The following NTRK1 variants were observed in gnomAD, a reference collection of about 807,000 sequenced individuals.
NTRK1 encodes the protein high affinity nerve growth factor receptor.
In NTRK1, 62 loss-of-function variants were observed where a neutral mutation model predicts 86.8. The ratio of observed to expected loss-of-function variants is 0.71; its 90% CI spans 0.58 to 0.88. The LOEUF is 0.88. NTRK1 is among the 40% of genes least tolerant of loss of function. NTRK1 has a pLI of 0.00. For missense variants in NTRK1, 967 were observed against 1,078.4 expected (o/e 0.90, Z 1.45); for synonymous variants, 469 against 456.6 (o/e 1.03, Z -0.35).
intron 14 of NTRK1, among the ~76,000 whole-genome samples, chr1:156,878,429 C>G (rs1361925197): frequency 6.6e-6 from 1 of 152,242 alleles, no homozygotes; most frequent in African/African-American, 2.4e-5. Flanking sequence ...GCATCATACT[C>G]TGCACTGTAG....
intron 2 of NTRK1, chr1:156,846,209 G>C: frequency 2.2e-6 from 3 of 1,340,878 alleles, no homozygotes; most frequent in South Asian, 1.5e-5. Flanking sequence ...GGGTCCAACA[G>C]CCTTGTTCTC....
At position 156,842,104 on chromosome 1, in the gene NTRK1, C is replaced by A. The variant is rs145596747; in HGVS notation, c.-40C>A. On this transcript the variant is annotated 5_prime_UTR_variant, in exon 2 of 17. Transcript: ENST00000392302. The stretch of plus-strand genomic sequence containing the variant: ...AGGCCGCCCTCATCTGCCTGGCACC[C>A]TCTGTACCCCCGATCTTGACGGTGA... 112 of 1,613,972 alleles carry A rather than the reference C, an allele frequency of 6.9e-5. No individual in the cohort carries two copies. In the Admixed American group the frequency reaches 1.2e-3, roughly 18 times the overall value.
chr1:156,881,535 G>C lies in NTRK1; in HGVS notation c.2284G>C (p.Gly762Arg), dbSNP rs775984846. 18 of 1,604,462 alleles carry C rather than the reference G, an allele frequency of 1.1e-5. No homozygotes were observed. In the South Asian group the frequency reaches 1.8e-4, roughly 16 times the overall value. The stretch of plus-strand genomic sequence containing the variant: ...ACCAGAGGTCTACGCCATCATGCGG[G>C]GCTGCTGGCAGCGGGAGCCCCAGCA... Reference protein sequence around the residue: ...CPPEVYAIMRGCWQREPQQRH... With the variant: ...CPPEVYAIMRRCWQREPQQRH... The change falls in exon 17 of 17, where the codon GGC becomes CGC. Residue 762 changes from glycine to arginine, a missense_variant. Gly to Arg is a moderately radical substitution (Grantham distance 125). Coordinates refer to ENST00000524377, the MANE Select transcript of NTRK1 (RefSeq NM_002529.4).
chr1:156,874,867 G>T (rs748988810), intron 10 of NTRK1, 39 bp from the exon 11 acceptor site: 1 of 1,464,704 alleles, frequency 6.8e-7, no homozygotes, highest in Non-Finnish European at 9.6e-7. Flanking sequence ...GAGAGTACAG[G>T]AGGAGCCCCT....
chr1:156,867,033 C>T, intron 4 of NTRK1, 55 bp downstream of exon 4: 1 of 1,570,284 alleles, frequency 6.4e-7, no homozygotes, highest in Non-Finnish European at 8.8e-7. Context: ...TGCCTGTGTG[C>T]ACTTGGGTCT....
intron 1 of NTRK1, chr1:156,816,686 A>G: frequency 1.9e-6 from 3 of 1,601,590 alleles, no homozygotes; most frequent in African/African-American, 1.3e-5. Context: ...TTGGGGACAT[A>G]TCTGGGCCAG....
chr1:156,867,677 T>A (rs1286883649), intron 4 of NTRK1, among the ~76,000 whole-genome samples: 1 of 151,358 alleles, frequency 6.6e-6, no homozygotes, highest in Non-Finnish European at 1.5e-5. Context: ...TTTTCTTTTT[T>A]TTTTTTTATG....
At position 156,874,602 on chromosome 1, in the gene NTRK1, G is replaced by A. The variant is rs2102910119; in HGVS notation, c.1227G>A (p.Glu409=). Residue 409 remains glutamate (E), a synonymous_variant, in exon 10 of 17, where the codon GAG becomes GAA. Coordinates refer to ENST00000524377, the MANE Select transcript of NTRK1 (RefSeq NM_002529.4). The stretch of plus-strand genomic sequence containing the variant: ...ACAGCACATCTGGAGACCCGGTGGA[G>A]AAGAAGGACGAAACACCTTTTGGGG... The part of the protein sequence containing the change: ...DTNSTSGDPV[E]KKDETPFGVS... 6.2e-7 allele frequency: 1 copy of A among 1,614,118 alleles called. No individual in the cohort carries two copies. Among genetic ancestry groups the A allele is most frequent in the Non-Finnish European group, 8.5e-7 (1 of 1,179,982 alleles).
At chr1:156,844,693 C>T (rs1357570246) in intron 2 of NTRK1, 1 of 1,614,046 alleles carries the variant, frequency 6.2e-7, no homozygotes, top group Admixed American at 1.7e-5. Context: ...GACGGGGGTC[C>T]CACGGGCACC....
upstream of NTRK1, chr1:156,858,510 G>GTCTGGGAGCCAGT (rs371263465): frequency 6.4e-4 from 1,011 of 1,590,024 alleles, 7 homozygotes; most frequent in African/African-American, 9.9e-3. Context: ...GGAGGTAGGG[G>GTCTGGGAGCCAGT]TCTGGGAGCC....
At chr1:156,816,529 TG>T in intron 1 of NTRK1, 1 of 677,442 alleles carries the variant, frequency 1.5e-6, no homozygotes, top group Non-Finnish European at 2.5e-6. Context: ...GGCAGGGTTG[TG>T]GTCACCCTGC....
rs879607077 is a variant in NTRK1 at position 156,860,865 on chromosome 1, G to C, written c.-70G>C. ...AACACCGCCCAGCGCACATGTCGGG[G>C]GAGGCCTGGCAGCTGCAGCTGGGAG... On this transcript the variant is annotated 5_prime_UTR_variant, in exon 1 of 17. Transcript: ENST00000524377. The C allele has an allele frequency of 7.2e-7, 1 of 1,384,348 alleles. No homozygotes were observed. Among genetic ancestry groups the C allele is most frequent in the African/African-American group, 1.5e-5 (1 of 65,194 alleles). The allele number at this position is 1,384,348 out of a possible 1,614,324, so 85.8% of individuals were successfully genotyped here.
chr1:156,844,790 T>A (rs1349346034), intron 2 of NTRK1: 6 of 1,614,128 alleles, frequency 3.7e-6, no homozygotes, highest in Non-Finnish European at 5.1e-6. Context: ...AGAAGGACAC[T>A]GTTCTTGCTG....
At chr1:156,864,560 CA>C in intron 2 of NTRK1, 132 bp downstream of exon 2, 1 of 1,155,412 alleles carries the variant, frequency 8.7e-7, no homozygotes, top group Non-Finnish European at 1.3e-6. Context: ...TGGGAGAAGT[CA>C]GGAAGCTCAG....
At chr1:156,860,319 G>T (rs908663889), upstream of NTRK1, among the ~76,000 whole-genome samples, 1 of 152,252 alleles carries the variant, frequency 6.6e-6, no homozygotes, top group Non-Finnish European at 1.5e-5. Context: ...CCTTCGGCCG[G>T]ATTAGGCGAC....
chr1:156,855,510 A>G (rs1328068584), intron 2 of NTRK1, among the ~76,000 whole-genome samples: 1 of 151,854 alleles, frequency 6.6e-6, no homozygotes, highest in Non-Finnish European at 1.5e-5. Context: ...CGGCCTGAAC[A>G]TCCTAGTTAA....
chr1:156,841,260 TA>T (rs368571274), intron 1 of NTRK1: 41 of 939,568 alleles, frequency 4.4e-5, no homozygotes, highest in African/African-American at 4.2e-4. Flanking sequence ...GGGTTTGGGA[TA>T]GGGGGGTGGC....
At chr1:156,853,960 C>T (rs145216110) in intron 2 of NTRK1, 2 of 1,613,146 alleles carry the variant, frequency 1.2e-6, no homozygotes, top group Non-Finnish European at 1.7e-6. Flanking sequence ...GCTCCTGGTT[C>T]TTCTCCACAC....
upstream of NTRK1, among the ~76,000 whole-genome samples, chr1:156,857,157 C>CTG (rs1327364524): frequency 3.9e-3 from 471 of 121,356 alleles, 3 homozygotes; most frequent in African/African-American, 9.4e-3. Context: ...TGCCCAGCAG[C>CTG]TGTGTATGTG....
Sources: gnomAD v4.1 joint callset for allele counts (sites outside exome capture counted in the v4.1 genomes callset) on GRCh38, gnomAD v4.1.1 for gene constraint, MANE v1.5 for transcripts, NCBI Gene and HGNC (gene_info 2026-07-23, HGNC 2026-07-21) for gene names.